The following CNTNAP2 variants were observed in gnomAD, a reference collection of about 807,000 sequenced individuals.
The protein encoded by CNTNAP2 is contactin-associated protein-like 2.
Under a neutral mutation model 155.2 loss-of-function variants are expected in CNTNAP2, and 98 were observed. The ratio of observed to expected loss-of-function variants is 0.63; its 90% confidence interval spans 0.54 to 0.75. CNTNAP2 has a LOEUF of 0.75. Ranked by LOEUF, CNTNAP2 falls within the 30% of genes least tolerant of loss-of-function variation. The pLI, the probability that CNTNAP2 is intolerant of heterozygous loss-of-function variation, is 0.00. For synonymous variants in CNTNAP2, 651 were observed against 631.2 expected (o/e 1.03, Z -0.47); for missense variants, 1,727 against 1,688.1 (o/e 1.02, Z -0.40).
intron 12 of CNTNAP2, among the ~76,000 whole-genome samples, chr7:147,623,089 T>C (rs368018887): frequency 2.0e-5 from 3 of 151,924 alleles, no homozygotes; most frequent in African/African-American, 7.2e-5. Context: ...CCTGAAGATA[T>C]GAATATCCAG....
intron 13 of CNTNAP2, among the ~76,000 whole-genome samples, chr7:147,806,531 A>G (rs1461434701): frequency 6.6e-6 from 1 of 152,230 alleles, no homozygotes; most frequent in Non-Finnish European, 1.5e-5. Context: ...CAGTATTTCA[A>G]AAAGGTATCT....
intron 2 of CNTNAP2, among the ~76,000 whole-genome samples, chr7:146,820,189 T>G (rs1803250865): frequency 6.6e-6 from 1 of 152,152 alleles, no homozygotes; most frequent in Non-Finnish European, 1.5e-5. Flanking sequence ...TTTTATGTTT[T>G]TTCAGAGTGG....
intron 4 of CNTNAP2, among the ~76,000 whole-genome samples, chr7:147,073,067 T>C (rs1312227478): frequency 6.6e-6 from 1 of 150,716 alleles, no homozygotes. Context: ...TTAGCCAGGA[T>C]GGTCTCGATC....
At chr7:146,631,275 A>T (rs1799506767) in intron 1 of CNTNAP2, among the ~76,000 whole-genome samples, 1 of 152,144 alleles carries the variant, frequency 6.6e-6, no homozygotes, top group South Asian at 2.1e-4. Context: ...ATTTGAAAGG[A>T]AAACAAATAT....
chr7:147,256,952 GA>G (rs887963571), intron 8 of CNTNAP2, among the ~76,000 whole-genome samples: 4 of 151,490 alleles, frequency 2.6e-5, no homozygotes, highest in African/African-American at 9.7e-5. Flanking sequence ...GGGAAAAAGA[GA>G]AAAAAAATCA....
At chr7:146,802,850 C>T (rs540430122) in intron 2 of CNTNAP2, among the ~76,000 whole-genome samples, 2 of 152,220 alleles carry the variant, frequency 1.3e-5, no homozygotes, top group East Asian at 3.9e-4. Context: ...GATTACTAGA[C>T]TTAGACAAAT....
intron 21 of CNTNAP2, among the ~76,000 whole-genome samples, chr7:148,272,040 A>G (rs565863097): frequency 1.3e-5 from 2 of 152,288 alleles, no homozygotes; most frequent in South Asian, 4.1e-4. Flanking sequence ...CTCTTTGATG[A>G]GCACTCCTCA....
At chr7:147,202,625 G>A (rs919640300) in intron 8 of CNTNAP2, among the ~76,000 whole-genome samples, 15 of 151,828 alleles carry the variant, frequency 9.9e-5, no homozygotes, top group Admixed American at 2.0e-4. Flanking sequence ...ATAAAAAAAC[G>A]GATGAGTTCA....
rs1053765691 is a variant in CNTNAP2 at position 148,073,011 on chromosome 7, C to A, written c.2384-45107C>A. Among the ~76,000 whole-genome samples the A allele has an allele frequency of 2.0e-4, 30 of 151,926 alleles. 1 individual carries two copies. The highest frequency in any genetic ancestry group is 6.8e-4 in the African/African-American group (28 of 41,386). ...GTGTGAGCCACCGTGCCTGGCCTGT[C>A]TTTTGTATTTTAAGATGTGTCATAT... On this transcript the variant is annotated intron_variant, in intron 15 of 23. Transcript: ENST00000361727.
intron 1 of CNTNAP2, among the ~76,000 whole-genome samples, chr7:146,712,101 ATATCT>A (rs1304681896): frequency 1.6e-5 from 2 of 123,582 alleles, no homozygotes; most frequent in Non-Finnish European, 3.4e-5. Flanking sequence ...TATAGTATAC[ATATCT>A]TATGTATACA....
chr7:147,851,102 G>A (rs1030619729), intron 13 of CNTNAP2, among the ~76,000 whole-genome samples: 2 of 152,222 alleles, frequency 1.3e-5, no homozygotes, highest in African/African-American at 2.4e-5. Context: ...CCATCAACAA[G>A]TGGGCGAAGG....
intron 21 of CNTNAP2, among the ~76,000 whole-genome samples, chr7:148,320,329 G>A (rs1797767487): frequency 1.3e-5 from 2 of 150,280 alleles, no homozygotes; most frequent in Admixed American, 1.3e-4. Context: ...GGCAGTTAGT[G>A]GTAGATCCAG....
At chr7:148,176,694 T>C (rs1327998295) in intron 18 of CNTNAP2, among the ~76,000 whole-genome samples, 2 of 152,188 alleles carry the variant, frequency 1.3e-5, no homozygotes, top group African/African-American at 4.8e-5. Flanking sequence ...AGTCTCCTCA[T>C]CTGTCGGCAG....
In CNTNAP2 at chr7:146,570,335, G is replaced by A. The variant is rs746035084; in HGVS notation, c.98-203936G>A. The stretch of plus-strand genomic sequence containing the variant: ...ATACAGTGAGTAGGCATTTTTGAAC[G>A]GTCTGTTTTGATATTTTGGTCCCAC... On this transcript the variant is annotated intron_variant, in intron 1 of 23. Coordinates refer to ENST00000361727, the MANE Select transcript of CNTNAP2 (RefSeq NM_014141.6). Among the ~76,000 whole-genome samples, 4 of 152,006 alleles carry A rather than the reference G, an allele frequency of 2.6e-5. No individual in the cohort carries two copies. The East Asian group carries it at 5.8e-4, about 22-fold the overall frequency.
chr7:147,776,314 G>A (rs1271018632), intron 13 of CNTNAP2, among the ~76,000 whole-genome samples: 1 of 146,736 alleles, frequency 6.8e-6, no homozygotes, highest in Admixed American at 6.8e-5. Flanking sequence ...GGTAAAGGTA[G>A]AAAGGCCCTG....
intron 1 of CNTNAP2, among the ~76,000 whole-genome samples, chr7:146,718,206 A>G (rs1801224959): frequency 6.6e-6 from 1 of 152,158 alleles, no homozygotes; most frequent in African/African-American, 2.4e-5. Flanking sequence ...AAATATTTAC[A>G]CTGTCACATA....
At chr7:147,092,690 G>A (rs1189846257) in intron 4 of CNTNAP2, among the ~76,000 whole-genome samples, 1 of 152,082 alleles carries the variant, frequency 6.6e-6, no homozygotes, top group Non-Finnish European at 1.5e-5. Flanking sequence ...CACCATAGAG[G>A]GAATGTAAAT....
intron 20 of CNTNAP2, among the ~76,000 whole-genome samples, chr7:148,244,868 C>CT (rs144925608): frequency 3.8e-4 from 57 of 149,868 alleles, no homozygotes; most frequent in Non-Finnish European, 2.5e-4. Context: ...AGGCTGTTGC[C>CT]TTTTTTTTTA....
At chr7:148,042,315 T>G (rs573804264) in intron 15 of CNTNAP2, among the ~76,000 whole-genome samples, 17 of 152,158 alleles carry the variant, frequency 1.1e-4, no homozygotes, top group Non-Finnish European at 2.4e-4. Flanking sequence ...TCCAAAGTAC[T>G]CATATGTATC....
Sources: gnomAD v4.1 joint callset for allele counts (sites outside exome capture counted in the v4.1 genomes callset) on GRCh38, gnomAD v4.1.1 for gene constraint, MANE v1.5 for transcripts, NCBI Gene and HGNC (gene_info 2026-07-23, HGNC 2026-07-21) for gene names.